Variants in PDK3 observed in about 807,000 individuals in gnomAD.
The protein encoded by PDK3 is pyruvate dehydrogenase kinase 3, also known as pyruvate dehydrogenase kinase, isozyme 3.
Under a neutral mutation model 32.0 loss-of-function variants are expected in PDK3, and 12 were observed. That is an observed-to-expected ratio of 0.37 (90% CI 0.24 to 0.61). The LOEUF is 0.61. Among genes scored for constraint, PDK3 ranks in the 20% least tolerant of loss-of-function variants. PDK3 has a pLI of 0.65. For missense variants in PDK3, 188 were observed against 316.9 expected, an observed-to-expected ratio of 0.59 and a Z score of 3.09; for synonymous variants, 122 against 116.3, an observed-to-expected ratio of 1.05 and a Z score of -0.31.
chrX:24,498,354 G>A (rs1385846531), intron 2 of PDK3, among the ~76,000 whole-genome samples: 3 of 111,723 alleles, frequency 2.7e-5, no homozygotes, highest in East Asian at 5.7e-4. Flanking sequence ...GCTTTCGATG[G>A]TGCTGGCTTC....
At chrX:24,465,597 G>T in intron 1 of PDK3, 36 bp downstream of exon 1, 1 of 1,012,379 alleles carries the variant, frequency 9.9e-7, no homozygotes, top group Non-Finnish European at 1.4e-6. Context: ...TGGGCCCGGG[G>T]CCGCCGCCAT....
At chrX:24,509,913 G>A (rs528071831) in intron 5 of PDK3, among the ~76,000 whole-genome samples, 2 of 112,030 alleles carry the variant, frequency 1.8e-5, no homozygotes, top group African/African-American at 6.5e-5. Context: ...ACTGACTGTT[G>A]TGACTATATA....
chrX:24,501,774 A>G (rs1274104666), intron 3 of PDK3, among the ~76,000 whole-genome samples: 3 of 112,561 alleles, frequency 2.7e-5, no homozygotes, highest in South Asian at 3.6e-4. Flanking sequence ...CCTAGGATCA[A>G]TTCCTCCAAG....
intron 4 of PDK3, among the ~76,000 whole-genome samples, chrX:24,504,738 A>G (rs993279978): frequency 1.8e-5 from 2 of 112,350 alleles, no homozygotes; most frequent in Non-Finnish European, 3.8e-5. Flanking sequence ...TGTACACAAC[A>G]TTGAAACATA....
At position 24,472,773 on chromosome X, in the gene PDK3, C is replaced by T. The variant is rs144771498; in HGVS notation, c.106+7212C>T. Among the ~76,000 whole-genome samples the T allele has an allele frequency of 2.5e-3, 260 of 103,513 alleles. 2 individuals are homozygous for T. Among genetic ancestry groups the T allele is most frequent in the African/African-American group, 8.8e-3 (248 of 28,287 alleles). The allele number at this position is 103,513 out of a possible 115,157, so 89.9% of individuals were successfully genotyped here. A position where few individuals can be genotyped will look rare whatever the true frequency, so the allele number is the denominator to read the frequency against. ...TGCGATCTGGGCTCACCGCAACCTC[C>T]GCCTCCCAGGTTCAAGTGATTCTCC... On this transcript the variant is annotated intron_variant, in intron 1 of 10. Coordinates refer to ENST00000379162, the MANE Select transcript of PDK3 (RefSeq NM_005391.5).
chrX:24,497,410 G>A (rs1333426860), intron 2 of PDK3, among the ~76,000 whole-genome samples: 3 of 111,561 alleles, frequency 2.7e-5, no homozygotes, highest in Admixed American at 1.9e-4. Context: ...TCAGCCTCCC[G>A]AGTAGCTAGG....
At chrX:24,499,139 T>C (rs1005076771) in intron 3 of PDK3, 1 of 229,852 alleles carries the variant, frequency 4.4e-6, no homozygotes, top group Admixed American at 7.1e-5. Context: ...CTTAATACCT[T>C]TACCCAAGGT....
At chrX:24,469,410 T>TA (rs1432511905) in intron 1 of PDK3, among the ~76,000 whole-genome samples, 66 of 106,450 alleles carry the variant, frequency 6.2e-4, no homozygotes, top group African/African-American at 1.9e-3. Context: ...TTTTGATAGG[T>TA]AAAAAAAAAA....
At chrX:24,493,753 A>C (rs147274420) in intron 1 of PDK3, among the ~76,000 whole-genome samples, 1,536 of 112,307 alleles carry the variant, frequency 0.014, 5 homozygotes, top group Non-Finnish European at 0.021. Context: ...AGATTAAGGC[A>C]GCTGAGACTC....
At chrX:24,507,910 A>T (rs1391379851) in intron 5 of PDK3, among the ~76,000 whole-genome samples, 1 of 111,421 alleles carries the variant, frequency 9.0e-6, no homozygotes, top group Non-Finnish European at 1.9e-5. Flanking sequence ...GAGGGGAGTG[A>T]AAAGGACTGG....
At chrX:24,530,531 G>A (rs964938052) in intron 9 of PDK3, among the ~76,000 whole-genome samples, 6 of 111,370 alleles carry the variant, frequency 5.4e-5, no homozygotes, top group Admixed American at 1.9e-4. Context: ...GCTCAGAGTC[G>A]CACAGAAAGT....
At chrX:24,492,279 G>A (rs895135257) in intron 1 of PDK3, among the ~76,000 whole-genome samples, 1 of 111,692 alleles carries the variant, frequency 9.0e-6, no homozygotes, top group Non-Finnish European at 1.9e-5. Context: ...ATCATAAGTC[G>A]AAAATATTGT....
At chrX:24,526,572 T>C (rs1024622530) in intron 7 of PDK3, among the ~76,000 whole-genome samples, 2 of 112,198 alleles carry the variant, frequency 1.8e-5, no homozygotes, top group African/African-American at 6.5e-5. Context: ...AGATGCTTTT[T>C]AGTTTCCAAA....
chrX:24,499,627 A>G (rs1602112701), intron 3 of PDK3, among the ~76,000 whole-genome samples: 1 of 112,080 alleles, frequency 8.9e-6, no homozygotes, highest in East Asian at 2.8e-4. Flanking sequence ...GTTCCATAAG[A>G]AGAACTAGGG....
At chrX:24,487,095 C>T (rs1921420077) in intron 1 of PDK3, among the ~76,000 whole-genome samples, 1 of 112,517 alleles carries the variant, frequency 8.9e-6, no homozygotes, top group Non-Finnish European at 1.9e-5. Flanking sequence ...TGAAACAAAA[C>T]AAACATTTTA....
intron 1 of PDK3, among the ~76,000 whole-genome samples, chrX:24,466,009 A>G (rs1371911015): frequency 1.8e-5 from 2 of 109,186 alleles, no homozygotes; most frequent in East Asian, 5.7e-4. Context: ...TTTCTGCTCT[A>G]AGGTGTTGCT....
intron 5 of PDK3, among the ~76,000 whole-genome samples, chrX:24,510,698 G>A (rs986366530): frequency 2.7e-5 from 3 of 112,006 alleles, no homozygotes; most frequent in South Asian, 3.8e-4. Flanking sequence ...TGCTGTCTGC[G>A]TCAGTATTTT....
rs767061699 is a variant in PDK3 at position 24,531,528 on chromosome X, G to A, written c.964-129G>A. ...GAAGAGGATATACATCATTGTAAAG[G>A]TTGAGTCAGTAATTTATTTGATTTA... On this transcript the variant is annotated intron_variant, in intron 9 of 10. Coordinates refer to ENST00000379162, the MANE Select transcript of PDK3 (RefSeq NM_005391.5). 6.7e-6 allele frequency: 3 copies of A among 444,729 alleles called. No individual in the cohort carries two copies. In the Admixed American group the frequency reaches 1.1e-4, roughly 17 times the overall value. The allele number at this position is 444,729 out of a possible 1,213,427, so 36.7% of individuals were successfully genotyped here.
chrX:24,522,314 T>G (rs770047541), intron 6 of PDK3, among the ~76,000 whole-genome samples: 2 of 111,205 alleles, frequency 1.8e-5, no homozygotes, highest in Non-Finnish European at 3.8e-5. Flanking sequence ...GACCCAGAAC[T>G]AGGAAAGAGT....
Sources: allele counts gnomAD v4.1 joint callset (sites outside exome capture counted in the v4.1 genomes callset), GRCh38; gene constraint gnomAD v4.1.1; transcripts MANE v1.5; gene names NCBI Gene and HGNC (gene_info 2026-07-23, HGNC 2026-07-21).